The following KCNK1 variants were observed in gnomAD, a reference collection of about 807,000 sequenced individuals.
KCNK1 encodes potassium two pore domain channel subfamily K member 1.
Under a neutral mutation model 22.2 loss-of-function variants are expected in KCNK1, and 10 were observed. The observed-to-expected ratio is 0.45, with a 90% confidence interval of 0.28 to 0.76. KCNK1 has a LOEUF of 0.76. KCNK1 is among the 30% of genes least tolerant of loss of function. The probability of loss-of-function intolerance (pLI) is 0.14; values close to 1 mark genes in which losing one functional copy is unlikely to be tolerated. For synonymous variants in KCNK1, 200 were observed against 186.4 expected (o/e 1.07, Z -0.60); for missense variants, 378 against 421.0 (o/e 0.90, Z 0.89).
intron 1 of KCNK1, among the ~76,000 whole-genome samples, chr1:233,665,676 C>T (rs1367839147): frequency 2.0e-5 from 3 of 147,492 alleles, no homozygotes; most frequent in Non-Finnish European, 3.0e-5. Flanking sequence ...AACAAAGAGT[C>T]TTCAGTGGGG....
intron 1 of KCNK1, among the ~76,000 whole-genome samples, chr1:233,625,323 C>G (rs905188188): frequency 5.9e-5 from 9 of 152,250 alleles, no homozygotes; most frequent in African/African-American, 1.7e-4. Flanking sequence ...TTCTTATGAC[C>G]TACAGTCAAA....
In KCNK1 at chr1:233,620,472, A is replaced by G. The variant is rs1657562801; in HGVS notation, c.355+5946A>G. Reference sequence around the variant, plus strand: ...CACTTTCAAAACAAATGTTTATTTCAGATGCCACTTACTTGTGATCCAATT... The same window carrying G: ...CACTTTCAAAACAAATGTTTATTTCGGATGCCACTTACTTGTGATCCAATT... On this transcript the variant is annotated intron_variant, in intron 1 of 2. Transcript: ENST00000366621. Among the ~76,000 whole-genome samples, 3 of 152,216 alleles carry G rather than the reference A, an allele frequency of 2.0e-5. 1 individual carries two copies. The South Asian group carries it at 6.2e-4, about 32-fold the overall frequency.
chr1:233,616,008 G>T (rs758558450), intron 1 of KCNK1, among the ~76,000 whole-genome samples: 26 of 152,172 alleles, frequency 1.7e-4, no homozygotes, highest in Non-Finnish European at 3.5e-4. Context: ...AAGAATGCCT[G>T]TTCCCTTGCC....
intron 1 of KCNK1, among the ~76,000 whole-genome samples, chr1:233,628,760 AAAT>A (rs58722587): frequency 1.5e-4 from 22 of 148,768 alleles, no homozygotes; most frequent in African/African-American, 3.1e-4. Context: ...ACTCTGTCTC[AAAT>A]AATAATAATA....
chr1:233,636,809 G>A (rs1657906177), intron 1 of KCNK1, among the ~76,000 whole-genome samples: 1 of 151,986 alleles, frequency 6.6e-6, no homozygotes, highest in South Asian at 2.1e-4. Context: ...AGGCAGCAGG[G>A]GGATCATGGT....
chr1:233,620,021 T>C (rs1657554714), intron 1 of KCNK1, among the ~76,000 whole-genome samples: 2 of 152,090 alleles, frequency 1.3e-5, no homozygotes, highest in Admixed American at 6.5e-5. Context: ...TTGTACTGCC[T>C]GAGCTAAGAA....
intron 1 of KCNK1, among the ~76,000 whole-genome samples, chr1:233,647,329 T>C (rs1170551024): frequency 6.6e-6 from 1 of 152,212 alleles, no homozygotes; most frequent in Non-Finnish European, 1.5e-5. Context: ...TGAATGTCAG[T>C]GGTGCTGTCA....
At chr1:233,621,802 T>C (rs1282060180) in intron 1 of KCNK1, among the ~76,000 whole-genome samples, 1 of 152,194 alleles carries the variant, frequency 6.6e-6, no homozygotes, top group African/African-American at 2.4e-5. Flanking sequence ...GCTACTATTA[T>C]CAATAACGTG....
chr1:233,651,197 A>C (rs1485363926), intron 1 of KCNK1, among the ~76,000 whole-genome samples: 1 of 152,190 alleles, frequency 6.6e-6, no homozygotes, highest in African/African-American at 2.4e-5. Context: ...AGTGTGCCCA[A>C]CTGTTCTTGA....
chr1:233,664,939 G>A (rs1658464149), intron 1 of KCNK1, among the ~76,000 whole-genome samples: 1 of 152,090 alleles, frequency 6.6e-6, no homozygotes, highest in Non-Finnish European at 1.5e-5. Context: ...GAATTGACTT[G>A]TTCAGACATG....
chr1:233,628,004 C>T (rs999196516), intron 1 of KCNK1, among the ~76,000 whole-genome samples: 13 of 152,170 alleles, frequency 8.5e-5, no homozygotes, highest in Non-Finnish European at 1.5e-4. Flanking sequence ...ATGTTTTGTG[C>T]GTTGACTTGT....
At chr1:233,654,520 A>G (rs1308580041) in intron 1 of KCNK1, among the ~76,000 whole-genome samples, 3 of 152,182 alleles carry the variant, frequency 2.0e-5, no homozygotes, top group African/African-American at 4.8e-5. Flanking sequence ...GACAGCCTAC[A>G]TTAAAATGTG....
chr1:233,660,459 T>G (rs1283635518), intron 1 of KCNK1: 1 of 152,266 alleles, frequency 6.6e-6, no homozygotes, highest in Non-Finnish European at 1.5e-5. Context: ...TTCATGTTTG[T>G]TTGTCACAAT....
chr1:233,664,755 T>A (rs910573338), intron 1 of KCNK1, among the ~76,000 whole-genome samples: 1 of 152,232 alleles, frequency 6.6e-6, no homozygotes, highest in African/African-American at 2.4e-5. Flanking sequence ...GTATAAGCCT[T>A]AAGTATAAGG....
At chr1:233,615,736 C>T (rs1393863350) in intron 1 of KCNK1, among the ~76,000 whole-genome samples, 2 of 151,626 alleles carry the variant, frequency 1.3e-5, no homozygotes, top group Non-Finnish European at 2.9e-5. Context: ...CCTCCCCACC[C>T]CCCTCCACCA....
rs1445596332 is a variant in KCNK1 at position 233,666,759 on chromosome 1, T to G, written c.520T>G (p.Phe174Val). The change falls in exon 2 of 3, where the codon TTC becomes GTC. Residue 174 changes from phenylalanine to valine, a missense_variant. Coordinates refer to ENST00000366621, the MANE Select transcript of KCNK1 (RefSeq NM_002245.4). ...PVLYFHIRWG[F>V]SKQVVAIVHA... ...CCTCTACTTCCACATCCGCTGGGGC[T>G]TCTCCAAGCAGGTGGTGGCCATCGT... 6.2e-7 allele frequency: 1 copy of G among 1,614,064 alleles called. No individual in the cohort carries two copies. Among genetic ancestry groups the G allele is most frequent in the Non-Finnish European group, 8.5e-7 (1 of 1,180,050 alleles).
At chr1:233,617,046 C>CTTT (rs538754784) in intron 1 of KCNK1, among the ~76,000 whole-genome samples, 1 of 147,544 alleles carries the variant, frequency 6.8e-6, no homozygotes, top group African/African-American at 2.5e-5. Context: ...ACATGTTGTG[C>CTTT]TTTTTTTTTT....
At chr1:233,622,419 A>T (rs1657605573) in intron 1 of KCNK1, among the ~76,000 whole-genome samples, 1 of 152,212 alleles carries the variant, frequency 6.6e-6, no homozygotes, top group South Asian at 2.1e-4. Flanking sequence ...CAGGTGGCTT[A>T]TTCAAGGCAG....
chr1:233,616,768 T>A (rs1452332543), intron 1 of KCNK1, among the ~76,000 whole-genome samples: 1 of 152,272 alleles, frequency 6.6e-6, no homozygotes, highest in Admixed American at 6.5e-5. Flanking sequence ...TTTGATTCAT[T>A]TGATGTTTTT....
Sources: allele counts gnomAD v4.1 joint callset (sites outside exome capture counted in the v4.1 genomes callset), GRCh38; gene constraint gnomAD v4.1.1; transcripts MANE v1.5; gene names NCBI Gene and HGNC (gene_info 2026-07-23, HGNC 2026-07-21).